COX7B2: variants seen among roughly 807,000 people sequenced by gnomAD.
The protein encoded by COX7B2 is cytochrome c oxidase subunit 7B2, also known as cytochrome c oxidase subunit 7B2, mitochondrial.
For missense variants in COX7B2, 109 were observed against 95.9 expected, an observed-to-expected ratio of 1.14 and a Z score of -0.57; for synonymous variants, 37 against 32.1, an observed-to-expected ratio of 1.15 and a Z score of -0.51.
chr4:46,836,262 GATA>G (rs1257044069), intron 2 of COX7B2, among the ~76,000 whole-genome samples: 2 of 151,892 alleles, frequency 1.3e-5, no homozygotes, highest in African/African-American at 4.8e-5. Flanking sequence ...ACTCCTTTGT[GATA>G]ATATTTAGCT....
intron 1 of COX7B2, among the ~76,000 whole-genome samples, chr4:46,862,745 A>G (rs1717413769): frequency 6.6e-6 from 1 of 152,182 alleles, no homozygotes; most frequent in Admixed American, 6.5e-5. Flanking sequence ...GACTTTAAAA[A>G]TGTTTAATCA....
chr4:46,763,828 T>C (rs1000572327), intron 2 of COX7B2, among the ~76,000 whole-genome samples: 1 of 152,144 alleles, frequency 6.6e-6, no homozygotes, highest in Admixed American at 6.5e-5. Context: ...CATACACACA[T>C]ACTTTGAAAC....
intron 2 of COX7B2, among the ~76,000 whole-genome samples, chr4:46,778,391 T>C (rs561605038): frequency 6.6e-6 from 1 of 152,246 alleles, no homozygotes; most frequent in East Asian, 1.9e-4. Context: ...AACCAGGTTA[T>C]CATCTGAACT....
intron 1 of COX7B2, among the ~76,000 whole-genome samples, chr4:46,858,989 A>G (rs997789462): frequency 2.0e-5 from 3 of 152,202 alleles, no homozygotes; most frequent in African/African-American, 7.2e-5. Context: ...TATCTGGCAA[A>G]GTCAGAACCT....
Position 46,866,043 on chromosome 4 carries a change from A to C in COX7B2, c.-104-21029T>G, listed in dbSNP as rs146267588. 1.6e-4 allele frequency among the ~76,000 whole-genome samples: 24 copies of C among 152,274 alleles called. No individual in the cohort carries two copies. In the East Asian group the frequency reaches 4.4e-3, roughly 28 times the overall value. ...TTTTGCATCCATTGCTGTGTTAATG[A>C]CACAAGAGTGGAAGTTTCCCCACAA... On this transcript the variant is annotated intron_variant, in intron 1 of 2. Transcript: ENST00000355591.
intron 1 of COX7B2, among the ~76,000 whole-genome samples, chr4:46,863,256 A>G (rs1717442947): frequency 6.6e-6 from 1 of 152,160 alleles, no homozygotes; most frequent in Non-Finnish European, 1.5e-5. Flanking sequence ...GTAAGGAAGG[A>G]TATTAACAAA....
At chr4:46,899,533 G>A (rs1341124013) in intron 1 of COX7B2, among the ~76,000 whole-genome samples, 1 of 152,134 alleles carries the variant, frequency 6.6e-6, no homozygotes, top group Non-Finnish European at 1.5e-5. Flanking sequence ...GTGTGTGTGT[G>A]TGATCTGTGC....
chr4:46,843,612 G>A (rs969601882), intron 2 of COX7B2, among the ~76,000 whole-genome samples: 64 of 151,924 alleles, frequency 4.2e-4, no homozygotes, highest in African/African-American at 1.5e-3. Flanking sequence ...AGAATCAAAG[G>A]AGAGAGGAAC....
At chr4:46,820,830 A>T (rs1433218169) in intron 2 of COX7B2, among the ~76,000 whole-genome samples, 12 of 145,386 alleles carry the variant, frequency 8.3e-5, no homozygotes, top group East Asian at 4.1e-4. Context: ...TCAAAAAAAA[A>T]AAAAATATAT....
At chr4:46,883,547 G>A (rs1360788175) in intron 1 of COX7B2, among the ~76,000 whole-genome samples, 1 of 151,970 alleles carries the variant, frequency 6.6e-6, no homozygotes, top group Non-Finnish European at 1.5e-5. Flanking sequence ...ACCAGCCTGG[G>A]CAACACGGTA....
intron 1 of COX7B2, among the ~76,000 whole-genome samples, chr4:46,848,419 G>T (rs979408313): frequency 1.3e-5 from 2 of 152,002 alleles, no homozygotes; most frequent in Admixed American, 6.6e-5. Context: ...AGTGAAAAAA[G>T]CTGGCCCTGT....
At chr4:46,822,358 C>G (rs1180735849) in intron 2 of COX7B2, among the ~76,000 whole-genome samples, 1 of 151,098 alleles carries the variant, frequency 6.6e-6, no homozygotes, top group Non-Finnish European at 1.5e-5. Context: ...ACAAAATAAA[C>G]TAGGAGAAAA....
At chr4:46,819,061 C>G (rs1027792250) in intron 2 of COX7B2, among the ~76,000 whole-genome samples, 2 of 152,182 alleles carry the variant, frequency 1.3e-5, no homozygotes, top group African/African-American at 4.8e-5. Flanking sequence ...TGTTCACAAT[C>G]ACCTCGAATT....
chr4:46,816,620 G>T (rs545162786), intron 2 of COX7B2, among the ~76,000 whole-genome samples: 1 of 152,258 alleles, frequency 6.6e-6, no homozygotes, highest in Non-Finnish European at 1.5e-5. Flanking sequence ...GACCTCAAAT[G>T]AATGCTGAAA....
Position 46,875,929 on chromosome 4 carries a change from T to G in COX7B2, c.-104-30915A>C, listed in dbSNP as rs116669315. ...ACTACTATAGCCCACCGGTCTTACTTTTCTCTGAGTTTATACTACATAGAG... is the reference window on the plus strand; with the variant it reads ...ACTACTATAGCCCACCGGTCTTACTGTTCTCTGAGTTTATACTACATAGAG... On this transcript the variant is annotated intron_variant, in intron 1 of 2. Coordinates refer to ENST00000355591, the MANE Select transcript of COX7B2 (RefSeq NM_130902.3). 3.3e-3 allele frequency among the ~76,000 whole-genome samples: 504 copies of G among 152,256 alleles called. 1 individual carries two copies. The highest frequency in any genetic ancestry group is 0.012 in the African/African-American group (491 of 41,554).
rs1383069948 is a variant in COX7B2 at position 46,754,161 on chromosome 4, T to C, written c.-49-18920A>G. Reference sequence around the variant, plus strand: ...ATTGTGGAAGTCAGTGTGGCGATTTTTCAGGGATCTAGAACTAGAAATACC... The same window carrying C: ...ATTGTGGAAGTCAGTGTGGCGATTTCTCAGGGATCTAGAACTAGAAATACC... On this transcript the variant is annotated intron_variant, in intron 2 of 2. Coordinates refer to ENST00000355591, the MANE Select transcript of COX7B2 (RefSeq NM_130902.3). Among the ~76,000 whole-genome samples the C allele has an allele frequency of 6.6e-5, 10 of 152,082 alleles. No homozygotes were observed. The East Asian group carries it at 1.8e-3, about 27-fold the overall frequency.
intron 1 of COX7B2, among the ~76,000 whole-genome samples, chr4:46,868,215 G>A (rs1282587872): frequency 1.3e-5 from 2 of 152,168 alleles, no homozygotes. Context: ...TGTGGGGTCA[G>A]TGGTAACATT....
intron 2 of COX7B2, among the ~76,000 whole-genome samples, chr4:46,757,536 C>G (rs796451185): frequency 6.6e-6 from 1 of 152,044 alleles, no homozygotes; most frequent in Non-Finnish European, 1.5e-5. Context: ...CTTTTGCAAG[C>G]CAAAGATCTT....
intron 2 of COX7B2, among the ~76,000 whole-genome samples, chr4:46,821,787 T>C (rs1714311401): frequency 6.6e-6 from 1 of 152,244 alleles, no homozygotes; most frequent in South Asian, 2.1e-4. Flanking sequence ...GCTGATTACC[T>C]ATATTATAAA....
Sources: gnomAD v4.1 joint callset for allele counts (sites outside exome capture counted in the v4.1 genomes callset) on GRCh38, gnomAD v4.1.1 for gene constraint, MANE v1.5 for transcripts, NCBI Gene and HGNC (gene_info 2026-07-23, HGNC 2026-07-21) for gene names.